Variants in ZKSCAN4 observed in about 807,000 individuals in gnomAD.
ZKSCAN4 encodes zinc finger with KRAB and SCAN domains 4.
ZKSCAN4 carries 23 observed loss-of-function variants against 30.8 expected under a neutral mutation model. The observed-to-expected ratio is 0.75, with a 90% CI of 0.54 to 1.06. The LOEUF (loss-of-function observed/expected upper bound fraction) is 1.06. Ranked by LOEUF, ZKSCAN4 falls within the 50% of genes least tolerant of loss-of-function variation. The pLI, the probability that ZKSCAN4 is intolerant of heterozygous loss-of-function variation, is 0.00. For missense variants in ZKSCAN4, 556 were observed against 665.4 expected (o/e 0.84, Z 1.81); for synonymous variants, 208 against 252.5 (o/e 0.82, Z 1.67).
chr6:28,247,457 A>G (rs2113679721), intron 3 of ZKSCAN4, among the ~76,000 whole-genome samples: 1 of 151,788 alleles, frequency 6.6e-6, no homozygotes, highest in South Asian at 2.1e-4. Context: ...TCAAAAATAC[A>G]ATGAAATCTA....
At chr6:28,255,511 C>G (rs1244508653), upstream of ZKSCAN4, among the ~76,000 whole-genome samples, 3 of 152,178 alleles carry the variant, frequency 2.0e-5, no homozygotes, top group African/African-American at 7.2e-5. Flanking sequence ...CTGGCTTAAC[C>G]ACACAATTTT....
At chr6:28,255,919 G>A (rs1376747955), upstream of ZKSCAN4, among the ~76,000 whole-genome samples, 15 of 152,140 alleles carry the variant, frequency 9.9e-5, no homozygotes, top group African/African-American at 3.4e-4. Context: ...TAGGATTAAG[G>A]AGACTTCAGA....
At position 28,245,809 on chromosome 6, in the gene ZKSCAN4, T is replaced by C; in HGVS notation, c.945A>G (p.Ile315Met). 1 of 1,614,256 alleles carries C rather than the reference T, an allele frequency of 6.2e-7. No individual in the cohort carries two copies. Among genetic ancestry groups the C allele is most frequent in the Non-Finnish European group, 8.5e-7 (1 of 1,180,038 alleles). The change falls in exon 5 of 5, where the codon ATA becomes ATG. Residue 315 changes from isoleucine to methionine, a missense_variant. Ile to Met is a conservative substitution (Grantham distance 10, BLOSUM62 1). This residue lies in a region of ZKSCAN4 where 433 missense variants were observed against 511.5 expected (regional missense o/e 0.85). Transcript: ENST00000377294. ...GRLQRKQKNA[I>M]GSRRHYCHEC... ...CATGGCAATAATGTCGCCTACTCCC[T>C]ATGGCATTTTTCTGCTTTCTTTGTA...
Position 28,244,768 on chromosome 6 carries a change from G to A in ZKSCAN4, c.*348C>T. 5.6e-6 allele frequency: 2 copies of A among 357,790 alleles called. No individual in the cohort carries two copies. Among genetic ancestry groups the A allele is most frequent in the Admixed American group, 4.2e-5 (1 of 23,806 alleles). 22.2% of individuals were successfully genotyped at this position (357,790 alleles called of 1,614,324 possible). A position where few individuals can be genotyped will look rare whatever the true frequency, so the allele number is the denominator to read the frequency against. On this transcript the variant is annotated 3_prime_UTR_variant, in exon 5 of 5. Coordinates refer to ENST00000377294, the MANE Select transcript of ZKSCAN4 (RefSeq NM_019110.5). Reference sequence around the variant, plus strand: ...ATTAGAGGCAAAATGAATGGTCAGAGCAGCAGCCCCCCACATCAGAGCCAT... The same window carrying A: ...ATTAGAGGCAAAATGAATGGTCAGAACAGCAGCCCCCCACATCAGAGCCAT...
rs972741923 is a variant in ZKSCAN4 at position 28,244,802 on chromosome 6, A to G, written c.*314T>C. The G allele has an allele frequency of 1.0e-5, 4 of 398,250 alleles. No individual in the cohort carries two copies. The highest frequency in any genetic ancestry group is 8.2e-5 in the African/African-American group (4 of 48,596). 24.7% of individuals were successfully genotyped at this position (398,250 alleles called of 1,614,324 possible). A position where few individuals can be genotyped will look rare whatever the true frequency, so the allele number is the denominator to read the frequency against. On this transcript the variant is annotated 3_prime_UTR_variant, in exon 5 of 5. Transcript: ENST00000377294. ...CCCCACATCAGAGCCATCCAACCAGATGTCCTAAAGTGCTGGCTGAGGGCA... is the reference window on the plus strand; with the variant it reads ...CCCCACATCAGAGCCATCCAACCAGGTGTCCTAAAGTGCTGGCTGAGGGCA...
chr6:28,242,379 TTTTA>T lies in ZKSCAN4; in HGVS notation c.*2733_*2736del, dbSNP rs1271326516. Reference sequence around the variant, plus strand: ...ATCTAAAAGACTGTAAGCAAAATGATTTTATTTGATATTATATAATACACCAGAT... The same window carrying T: ...ATCTAAAAGACTGTAAGCAAAATGATTTTGATATTATATAATACACCAGAT... On this transcript the variant is annotated 3_prime_UTR_variant, in exon 5 of 5. Coordinates refer to ENST00000377294, the MANE Select transcript of ZKSCAN4 (RefSeq NM_019110.5). 1.4e-4 allele frequency among the ~76,000 whole-genome samples: 22 copies of T among 152,190 alleles called. No individual in the cohort carries two copies. The highest frequency in any genetic ancestry group is 5.3e-4 in the African/African-American group (22 of 41,450).
In ZKSCAN4 at chr6:28,246,967, A is replaced by C; in HGVS notation, c.778+2T>G. 1 of 1,610,070 alleles carries C rather than the reference A, an allele frequency of 6.2e-7. No individual in the cohort carries two copies. Among genetic ancestry groups the C allele is most frequent in the African/African-American group, 1.3e-5 (1 of 74,902 alleles). On this transcript the variant is annotated splice_donor_variant, in intron 4 of 4. Coordinates refer to ENST00000377294, the MANE Select transcript of ZKSCAN4 (RefSeq NM_019110.5). LOFTEE classifies it high-confidence loss of function. ...TAAGACAAATTAGTGTCTCAGTCTT[A>C]CCAAGGGAGACCAGGCTGCTATGGT...
In ZKSCAN4 at chr6:28,245,146, G is replaced by A. The variant is rs1219939887; in HGVS notation, c.1608C>T (p.Ser536=). ...RTSYLVQHQR[S]HVGKKTLSQ The stretch of plus-strand genomic sequence containing the variant: ...GTGAAAGAGTTTTTTTCCCTACATG[G>A]CTTCTCTGATGTTGAACAAGGTATG... The change falls in exon 5 of 5, where the codon AGC becomes AGT. Residue 536 remains serine (S), a synonymous_variant. Coordinates refer to ENST00000377294, the MANE Select transcript of ZKSCAN4 (RefSeq NM_019110.5). 3 of 1,613,890 alleles carry A rather than the reference G, an allele frequency of 1.9e-6. No individual in the cohort carries two copies. The Admixed American group carries it at 5.0e-5, about 27-fold the overall frequency.
At chr6:28,258,454 G>A in the ZKSCAN4 span, among the ~76,000 whole-genome samples, 1 of 152,062 alleles carries the variant, frequency 6.6e-6, no homozygotes, top group Non-Finnish European at 1.5e-5. Context: ...TGTTTCTAGG[G>A]TGGAAAAGTC....
the ZKSCAN4 span, among the ~76,000 whole-genome samples, chr6:28,258,023 T>A: frequency 6.6e-6 from 1 of 152,262 alleles, no homozygotes; most frequent in Non-Finnish European, 1.5e-5. Context: ...TCACATATAA[T>A]ACTCCCTGCT....
Position 28,252,104 on chromosome 6 carries a change from G to T in ZKSCAN4, c.-124C>A, listed in dbSNP as rs1388333443. ...GGTCCCCCTCCTGTCATGCCCAGGG[G>T]CCCAGGACACCCCCTGAGGCGCAGC... On this transcript the variant is annotated 5_prime_UTR_variant, in exon 1 of 5. Coordinates refer to ENST00000377294, the MANE Select transcript of ZKSCAN4 (RefSeq NM_019110.5). 2 of 1,076,830 alleles carry T rather than the reference G, an allele frequency of 1.9e-6. No individual in the cohort carries two copies. Among genetic ancestry groups the T allele is most frequent in the Non-Finnish European group, 2.6e-6 (2 of 759,196 alleles). The allele number at this position is 1,076,830 out of a possible 1,614,324, so 66.7% of individuals were successfully genotyped here.
chr6:28,257,367 C>A, the ZKSCAN4 span, among the ~76,000 whole-genome samples: 1 of 152,192 alleles, frequency 6.6e-6, no homozygotes, highest in South Asian at 2.1e-4. Context: ...GCGAGTGGAA[C>A]AACACACACA....
Position 28,245,861 on chromosome 6 carries a change from G to C in ZKSCAN4, c.893C>G (p.Ala298Gly), listed in dbSNP as rs1333722079. Reference protein sequence around the residue: ...REDIAQIPTHAEAGEQEGRLQ... With the variant: ...REDIAQIPTHGEAGEQEGRLQ... ...CCTGCCCTCCTGTTCACCAGCTTCT[G>C]CATGTGTAGGAATCTGGGCAATGTC... is the stretch of plus-strand genomic sequence containing the variant. Residue 298 changes from alanine to glycine, a missense_variant, in exon 5 of 5, where the codon GCA becomes GGA. This residue lies in a region of ZKSCAN4 where 433 missense variants were observed against 511.5 expected (regional missense o/e 0.85). Transcript: ENST00000377294. The C allele has an allele frequency of 6.2e-7, 1 of 1,614,062 alleles. No homozygotes were observed. The highest frequency in any genetic ancestry group is 8.5e-7 in the Non-Finnish European group (1 of 1,180,050).
At chr6:28,258,173 A>G in the ZKSCAN4 span, among the ~76,000 whole-genome samples, 1 of 152,212 alleles carries the variant, frequency 6.6e-6, no homozygotes, top group Non-Finnish European at 1.5e-5. Context: ...TGTTGTTTAG[A>G]GTTCTAGCAT....
chr6:28,248,007 C>T (rs146472041), intron 3 of ZKSCAN4, 60 bp downstream of exon 3: 192 of 1,286,760 alleles, frequency 1.5e-4, no homozygotes, highest in Non-Finnish European at 1.9e-4. Flanking sequence ...GAACTTAATG[C>T]GGAGCCCAAC....
At chr6:28,258,765 C>T in the ZKSCAN4 span, among the ~76,000 whole-genome samples, 1 of 21,212 alleles carries the variant, frequency 4.7e-5, no homozygotes, top group African/African-American at 1.5e-4. Flanking sequence ...GAGATCCTGT[C>T]TCCAAAAAAA....
upstream of ZKSCAN4, among the ~76,000 whole-genome samples, chr6:28,255,751 G>C (rs1297362106): frequency 6.6e-6 from 1 of 151,990 alleles, no homozygotes; most frequent in African/African-American, 2.4e-5. Context: ...TTTGACTTTA[G>C]GGGCTTATAT....
chr6:28,255,220 CT>C (rs1403613572), upstream of ZKSCAN4, among the ~76,000 whole-genome samples: 1 of 152,122 alleles, frequency 6.6e-6, no homozygotes, highest in African/African-American at 2.4e-5. Flanking sequence ...CACTTTTTGG[CT>C]ATTGTTAAAT....
Position 28,247,025 on chromosome 6 carries a change from T to A in ZKSCAN4, c.722A>T (p.Gln241Leu), listed in dbSNP as rs201938584. ...TPGWTQLDSS[Q>L]VNLYRDEKQE... ...CTTTTCATCTCTGTAGAGGTTCACCTGAGATGAATCCAGCTGTGTCCACCC... is the reference window on the plus strand; with the variant it reads ...CTTTTCATCTCTGTAGAGGTTCACCAGAGATGAATCCAGCTGTGTCCACCC... The change falls in exon 4 of 5, where the codon CAG (glutamine) becomes CTG (leucine). Residue 241 changes from glutamine (Q) to leucine (L), a missense_variant. Coordinates refer to ENST00000377294, the MANE Select transcript of ZKSCAN4 (RefSeq NM_019110.5). 3.0e-5 allele frequency: 48 copies of A among 1,613,394 alleles called. No homozygotes were observed. The highest frequency in any genetic ancestry group is 3.9e-5 in the Non-Finnish European group (46 of 1,179,754).
Sources: allele counts gnomAD v4.1 joint callset (sites outside exome capture counted in the v4.1 genomes callset), GRCh38; gene constraint gnomAD v4.1.1; regional missense constraint gnomAD v4.1.1; transcripts MANE v1.5; gene names NCBI Gene and HGNC (gene_info 2026-07-23, HGNC 2026-07-21).